The following RANBP2 variants were observed in gnomAD, a reference collection of about 807,000 sequenced individuals.
RANBP2 encodes E3 SUMO-protein ligase RanBP2.
Under a neutral mutation model 303.6 loss-of-function variants are expected in RANBP2, and 57 were observed. That is an observed-to-expected ratio of 0.19 (90% CI 0.15 to 0.23). The LOEUF (loss-of-function observed/expected upper bound fraction) is 0.23, where lower values mean the gene tolerates loss of function less well. Among genes scored for constraint, RANBP2 ranks in the 10% least tolerant of loss-of-function variants. The probability of loss-of-function intolerance (pLI) is 1.00; values close to 1 mark genes in which losing one functional copy is unlikely to be tolerated. For synonymous variants in RANBP2, 1,167 were observed against 1,301.5 expected (o/e 0.90, Z 2.23); for missense variants, 3,138 against 3,780.8 (o/e 0.83, Z 4.46).
chr2:109,278,284 C>T, the RANBP2 span, among the ~76,000 whole-genome samples: 22 of 152,206 alleles, frequency 1.4e-4, no homozygotes, highest in Non-Finnish European at 2.4e-4. Context: ...GGCAGGGCCC[C>T]GTGCTTCAGC....
the RANBP2 span, among the ~76,000 whole-genome samples, chr2:109,083,490 GA>G: frequency 6.6e-6 from 1 of 152,148 alleles, no homozygotes; most frequent in African/African-American, 2.4e-5. Flanking sequence ...TTTTAAGACT[GA>G]ATCATATCCA....
the RANBP2 span, among the ~76,000 whole-genome samples, chr2:109,006,760 G>C: frequency 2.0e-5 from 3 of 152,172 alleles, no homozygotes; most frequent in African/African-American, 7.2e-5. Context: ...GTATTTTCTA[G>C]CGCATCCCAG....
At chr2:108,746,055 G>T (rs1352942659) in intron 7 of RANBP2, among the ~76,000 whole-genome samples, 12 of 151,430 alleles carry the variant, frequency 7.9e-5, no homozygotes, top group Non-Finnish European at 1.2e-4. Context: ...CACAGGTGTG[G>T]GCCACCATGC....
rs748576853 is a variant in RANBP2 at position 108,763,916 on chromosome 2, G to C, written c.3377G>C (p.Arg1126Pro). ...GSSQQKNSGF[R>P]RSDDMFTFHG... is the part of the protein sequence containing the mutation. ...AGTCAGCAAAAGAATTCTGGTTTTC[G>C]GCGAAGTGATGATATGTTTACTTTC... Residue 1126 changes from arginine to proline, a missense_variant, in exon 20 of 29, where the codon CGG becomes CCG. Around this residue, in one of 20 missense-constraint regions of RANBP2, gnomAD observed 403 missense variants for 376.7 expected, o/e 1.07. Transcript: ENST00000283195. 2.5e-6 allele frequency: 4 copies of C among 1,613,772 alleles called. No individual in the cohort carries two copies. Among genetic ancestry groups the C allele is most frequent in the Non-Finnish European group, 3.4e-6 (4 of 1,179,958 alleles).
At chr2:109,416,765 G>C in the RANBP2 span, among the ~76,000 whole-genome samples, 4 of 151,982 alleles carry the variant, frequency 2.6e-5, no homozygotes, top group Non-Finnish European at 4.4e-5. Context: ...TATTAGCCGG[G>C]GGTGGTATTG....
the RANBP2 span, among the ~76,000 whole-genome samples, chr2:109,253,498 G>T: frequency 6.6e-6 from 1 of 152,278 alleles, no homozygotes; most frequent in Non-Finnish European, 1.5e-5. Context: ...TCCCAGGCTT[G>T]CTATTTGTTT....
At chr2:109,253,115 C>G in the RANBP2 span, among the ~76,000 whole-genome samples, 2 of 152,106 alleles carry the variant, frequency 1.3e-5, no homozygotes, top group Non-Finnish European at 2.9e-5. Context: ...GCAACCTCCA[C>G]CTCACGAGTT....
rs576395354 is a variant in RANBP2 at position 108,751,553 on chromosome 2, C to G, written c.1481C>G (p.Thr494Ser). ...LEVFLLGVVY[T>S]SHLQLKEKCN... Reference sequence around the variant, plus strand: ...GTATTTCTCCTTGGAGTAGTATATACCAGCCACTTACAATTAAAGGAGAAA... The same window carrying G: ...GTATTTCTCCTTGGAGTAGTATATAGCAGCCACTTACAATTAAAGGAGAAA... Residue 494 changes from threonine (T) to serine (S), a missense_variant, in exon 11 of 29, where the codon ACC (threonine) becomes AGC (serine). Thr to Ser is a moderately conservative substitution (Grantham distance 58). Around this residue, in one of 20 missense-constraint regions of RANBP2, gnomAD observed 162 missense variants for 286.9 expected, o/e 0.56. Coordinates refer to ENST00000283195, the MANE Select transcript of RANBP2 (RefSeq NM_006267.5). 6.2e-7 allele frequency: 1 copy of G among 1,610,324 alleles called. No individual in the cohort carries two copies. The highest frequency in any genetic ancestry group is 8.5e-7 in the Non-Finnish European group (1 of 1,179,092).
At chr2:109,361,440 T>C in the RANBP2 span, among the ~76,000 whole-genome samples, 5 of 152,196 alleles carry the variant, frequency 3.3e-5, no homozygotes, top group South Asian at 4.1e-4. Flanking sequence ...TATCTGGTCC[T>C]GGTTCTTTCT....
the RANBP2 span, among the ~76,000 whole-genome samples, chr2:109,292,695 G>A: frequency 1.3e-5 from 2 of 152,204 alleles, no homozygotes; most frequent in South Asian, 2.1e-4. Flanking sequence ...AGCACAAACC[G>A]GCCTGGTCCA....
At chr2:109,543,980 C>A in the RANBP2 span, 9 of 612,134 alleles carry the variant, frequency 1.5e-5, no homozygotes, top group Non-Finnish European at 2.5e-5. Flanking sequence ...GAAACAAAAT[C>A]TGTTTAAACT....
the RANBP2 span, among the ~76,000 whole-genome samples, chr2:109,122,943 GT>G: frequency 6.6e-6 from 1 of 152,192 alleles, no homozygotes; most frequent in Non-Finnish European, 1.5e-5. Context: ...ACACCATAGT[GT>G]TTAATTCCTC....
the RANBP2 span, among the ~76,000 whole-genome samples, chr2:109,231,311 G>A: frequency 2.6e-5 from 4 of 152,226 alleles, no homozygotes; most frequent in African/African-American, 4.8e-5. Flanking sequence ...GAGCTAATGC[G>A]ATGACATTTT....
chr2:109,425,478 A>G, the RANBP2 span, among the ~76,000 whole-genome samples: 2 of 152,246 alleles, frequency 1.3e-5, no homozygotes, highest in Non-Finnish European at 2.9e-5. Context: ...AAAGCTTTAA[A>G]GGACAGGCAG....
At chr2:108,787,937 A>G (rs952799377), downstream of RANBP2, 2 of 1,073,892 alleles carry the variant, frequency 1.9e-6, no homozygotes, top group East Asian at 2.9e-5. Context: ...TCTCCACTCT[A>G]ACCTTTGTAA....
the RANBP2 span, among the ~76,000 whole-genome samples, chr2:109,063,824 C>A: frequency 6.6e-6 from 1 of 151,554 alleles, no homozygotes; most frequent in Non-Finnish European, 1.5e-5. Context: ...AAAAAAACAA[C>A]GTAGTGTCTT....
At chr2:109,225,300 C>G in the RANBP2 span, among the ~76,000 whole-genome samples, 3 of 152,200 alleles carry the variant, frequency 2.0e-5, no homozygotes, top group Non-Finnish European at 4.4e-5. Context: ...AGTCCTCAAA[C>G]CATTGTACTC....
the RANBP2 span, chr2:109,449,038 G>C: frequency 9.2e-7 from 1 of 1,089,874 alleles, no homozygotes; most frequent in Non-Finnish European, 1.3e-6. Flanking sequence ...GGCCAGGTCT[G>C]TCTGGAGAAA....
chr2:109,138,595 G>A, the RANBP2 span, among the ~76,000 whole-genome samples: 1 of 152,182 alleles, frequency 6.6e-6, no homozygotes, highest in African/African-American at 2.4e-5. Context: ...TGGGCAGCCC[G>A]CTGCTGCTGG....
Sources: allele counts gnomAD v4.1 joint callset (sites outside exome capture counted in the v4.1 genomes callset), GRCh38; gene constraint gnomAD v4.1.1; regional missense constraint gnomAD v4.1.1; transcripts MANE v1.5; gene names NCBI Gene and HGNC (gene_info 2026-07-23, HGNC 2026-07-21).